Variants in HMCN1 observed in about 807,000 individuals in gnomAD.
The protein encoded by HMCN1 is hemicentin 1, also known as hemicentin-1.
HMCN1 carries 321 observed loss-of-function variants against 625.9 expected under a neutral mutation model. The observed-to-expected ratio is 0.51, with a 90% CI of 0.47 to 0.56. The LOEUF is 0.56. HMCN1 is among the 20% of genes least tolerant of loss of function. HMCN1 has a pLI of 0.00. For missense variants in HMCN1, 6,588 were observed against 6,887.3 expected (o/e 0.96, Z 1.54); for synonymous variants, 2,425 against 2,417.6 (o/e 1.00, Z -0.09).
chr1:186,066,071 A>G (rs1416387913), intron 49 of HMCN1, among the ~76,000 whole-genome samples: 8 of 152,178 alleles, frequency 5.3e-5, no homozygotes, highest in Admixed American at 3.9e-4. Context: ...CACCATAGAT[A>G]GAAACTTCTC....
intron 57 of HMCN1, among the ~76,000 whole-genome samples, chr1:186,083,500 T>TTAAAA (rs749093684): frequency 8.1e-6 from 1 of 123,666 alleles, no homozygotes; most frequent in African/African-American, 3.1e-5. Flanking sequence ...CACTTTTTGC[T>TTAAAA]AAAAAAAAAA....
intron 1 of HMCN1, among the ~76,000 whole-genome samples, chr1:185,803,351 T>A (rs1278983587): frequency 6.6e-6 from 1 of 152,072 alleles, no homozygotes; most frequent in Non-Finnish European, 1.5e-5. Flanking sequence ...TCTTTATGAC[T>A]ACAGTTTCAT....
At chr1:186,012,171 C>T (rs1654042742) in intron 30 of HMCN1, among the ~76,000 whole-genome samples, 1 of 151,664 alleles carries the variant, frequency 6.6e-6, no homozygotes, top group South Asian at 2.1e-4. Context: ...AATGAAAAAA[C>T]ATAGATTTTT....
intron 97 of HMCN1, among the ~76,000 whole-genome samples, chr1:186,164,899 T>C (rs1651781877): frequency 6.6e-6 from 1 of 152,256 alleles, no homozygotes. Flanking sequence ...CTGTTTCCAG[T>C]GGCAGCTTGT....
At chr1:185,983,464 G>A (rs777407633) in intron 18 of HMCN1, among the ~76,000 whole-genome samples, 2 of 152,060 alleles carry the variant, frequency 1.3e-5, no homozygotes, top group African/African-American at 4.8e-5. Flanking sequence ...AAAGTGAATT[G>A]ACTCCATCTA....
At position 185,912,679 on chromosome 1, in the gene HMCN1, C is replaced by T. The variant is rs572380832; in HGVS notation, c.900+899C>T. ...TTGTTCGGCTGAGGAATTAACACCCCTCGGGAGCAGCTATTAGCACCTGAA... is the reference window on the plus strand; with the variant it reads ...TTGTTCGGCTGAGGAATTAACACCCTTCGGGAGCAGCTATTAGCACCTGAA... On this transcript the variant is annotated intron_variant, in intron 6 of 106. Coordinates refer to ENST00000271588, the MANE Select transcript of HMCN1 (RefSeq NM_031935.3). Among the ~76,000 whole-genome samples the T allele has an allele frequency of 7.2e-5, 11 of 152,134 alleles. No individual in the cohort carries two copies. In the South Asian group the frequency reaches 1.9e-3, roughly 26 times the overall value.
chr1:185,969,965 A>T (rs570293532), intron 14 of HMCN1, among the ~76,000 whole-genome samples: 21 of 152,276 alleles, frequency 1.4e-4, no homozygotes, highest in African/African-American at 4.8e-4. Context: ...GGTCTCTCAA[A>T]CATCTACTGA....
At chr1:185,887,533 C>G (rs1169537563) in intron 4 of HMCN1, among the ~76,000 whole-genome samples, 2 of 151,478 alleles carry the variant, frequency 1.3e-5, no homozygotes, top group African/African-American at 2.4e-5. Flanking sequence ...GTTCAATTCC[C>G]ACCTGTGAGT....
Position 186,088,201 on chromosome 1 carries a change from C to T in HMCN1, c.9502C>T (p.Pro3168Ser), listed in dbSNP as rs138956124. 1 of 1,612,656 alleles carries T rather than the reference C, an allele frequency of 6.2e-7. No homozygotes were observed. Among genetic ancestry groups the T allele is most frequent in the African/African-American group, 1.3e-5 (1 of 74,794 alleles). The change falls in exon 62 of 107, where the codon CCT (proline) becomes TCT (serine). Residue 3168 changes from proline to serine, a missense_variant. By Grantham distance (74) the Pro-to-Ser change is moderately conservative. Coordinates refer to ENST00000271588, the MANE Select transcript of HMCN1 (RefSeq NM_031935.3). ...AGTGATTGTGGAGACGATCAGCAAT[C>T]CTGTGACATTAACATGTGATGCCAC... Reference protein sequence around the residue: ...REVIVETISNPVTLTCDATGI... With the variant: ...REVIVETISNSVTLTCDATGI...
At chr1:185,910,862 C>G (rs990879453) in intron 5 of HMCN1, among the ~76,000 whole-genome samples, 2 of 152,156 alleles carry the variant, frequency 1.3e-5, no homozygotes, top group African/African-American at 4.8e-5. Context: ...AGCCACCGTG[C>G]CTGGCCTAAC....
intron 105 of HMCN1, among the ~76,000 whole-genome samples, chr1:186,183,288 T>C (rs1286802334): frequency 6.6e-6 from 1 of 152,130 alleles, no homozygotes; most frequent in Non-Finnish European, 1.5e-5. Context: ...GGAAAATGGG[T>C]CCCAGGAGGC....
chr1:186,136,296 T>A (rs1001068964), intron 86 of HMCN1, among the ~76,000 whole-genome samples: 1 of 152,182 alleles, frequency 6.6e-6, no homozygotes. Flanking sequence ...GTGCTTACCT[T>A]GTTCAAAAGT....
chr1:186,045,077 G>A (rs895979412), intron 40 of HMCN1, among the ~76,000 whole-genome samples: 1 of 152,052 alleles, frequency 6.6e-6, no homozygotes, highest in African/African-American at 2.4e-5. Context: ...GAATTGATTT[G>A]TTCTTTAGAA....
At chr1:185,833,514 T>C (rs1173891949) in intron 1 of HMCN1, among the ~76,000 whole-genome samples, 1 of 152,156 alleles carries the variant, frequency 6.6e-6, no homozygotes, top group East Asian at 1.9e-4. Flanking sequence ...CTTACATTTT[T>C]TTAGTTGATT....
intron 99 of HMCN1, 95 bp downstream of exon 99, chr1:186,166,398 A>G: frequency 6.9e-7 from 1 of 1,442,670 alleles, no homozygotes; most frequent in Admixed American, 1.8e-5. Context: ...CTTTCCTACT[A>G]CTTCTGCCCA....
intron 14 of HMCN1, among the ~76,000 whole-genome samples, chr1:185,967,416 A>T (rs1192998913): frequency 6.6e-6 from 1 of 152,146 alleles, no homozygotes; most frequent in African/African-American, 2.4e-5. Context: ...TATAGATATT[A>T]CCGCTCAGTG....
At chr1:186,156,270 G>T (rs1651012864) in intron 97 of HMCN1, among the ~76,000 whole-genome samples, 1 of 152,028 alleles carries the variant, frequency 6.6e-6, no homozygotes, top group South Asian at 2.1e-4. Context: ...GGTAAAATAT[G>T]CACCAAGAAA....
chr1:186,163,395 G>A (rs923652612), intron 97 of HMCN1, among the ~76,000 whole-genome samples: 5 of 151,904 alleles, frequency 3.3e-5, no homozygotes, highest in East Asian at 1.9e-4. Flanking sequence ...TTCGGCTCAC[G>A]CACGGTGCGC....
intron 1 of HMCN1, among the ~76,000 whole-genome samples, chr1:185,820,065 C>A (rs1478180128): frequency 2.0e-5 from 3 of 152,122 alleles, no homozygotes; most frequent in Non-Finnish European, 4.4e-5. Context: ...AGAACCACTG[C>A]CAATGACCCT....
Sources: gnomAD v4.1 joint callset for allele counts (sites outside exome capture counted in the v4.1 genomes callset) on GRCh38, gnomAD v4.1.1 for gene constraint, MANE v1.5 for transcripts, NCBI Gene and HGNC (gene_info 2026-07-23, HGNC 2026-07-21) for gene names.